SIK3: variants seen among roughly 807,000 people sequenced by gnomAD.
The protein encoded by SIK3 is SIK family kinase 3.
Under a neutral mutation model 144.2 loss-of-function variants are expected in SIK3, and 28 were observed. The ratio of observed to expected loss-of-function variants is 0.19; its 90% CI spans 0.14 to 0.27. The LOEUF (loss-of-function observed/expected upper bound fraction) is 0.27, where lower values mean the gene tolerates loss of function less well. SIK3 is among the 10% of genes least tolerant of loss of function. SIK3 has a pLI of 1.00. For synonymous variants in SIK3, 686 were observed against 676.3 expected, an observed-to-expected ratio of 1.01 and a Z score of -0.22; for missense variants, 1,319 against 1,776.0, an observed-to-expected ratio of 0.74 and a Z score of 4.62.
chr11:117,024,567 G>T (rs1467696583), intron 1 of SIK3, among the ~76,000 whole-genome samples: 1 of 152,090 alleles, frequency 6.6e-6, no homozygotes, highest in Non-Finnish European at 1.5e-5. Context: ...CAAAGTTAAG[G>T]TTGCAATATT....
intron 1 of SIK3, among the ~76,000 whole-genome samples, chr11:117,001,659 G>T (rs1053732932): frequency 6.6e-6 from 1 of 152,128 alleles, no homozygotes; most frequent in Non-Finnish European, 1.5e-5. Context: ...TCCAGCCCGG[G>T]CAACAGAGCA....
chr11:116,904,718 T>G (rs1945931323), intron 4 of SIK3: 1 of 152,326 alleles, frequency 6.6e-6, no homozygotes, highest in Admixed American at 6.5e-5. Flanking sequence ...AATGTTATTC[T>G]TTTTTCTTTT....
intron 1 of SIK3, among the ~76,000 whole-genome samples, chr11:117,049,143 GTT>G (rs1386529913): frequency 2.6e-5 from 4 of 151,946 alleles, no homozygotes; most frequent in South Asian, 4.1e-4. Flanking sequence ...ATTTCTCTCA[GTT>G]TTTTTGTCTA....
At chr11:117,013,708 T>C (rs1477939581) in intron 1 of SIK3, among the ~76,000 whole-genome samples, 1 of 151,108 alleles carries the variant, frequency 6.6e-6, no homozygotes, top group African/African-American at 2.4e-5. Flanking sequence ...AAAAAAAAAA[T>C]GCTTCCAGTG....
intron 4 of SIK3, among the ~76,000 whole-genome samples, chr11:116,917,308 T>C (rs1946697004): frequency 6.6e-6 from 1 of 152,210 alleles, no homozygotes; most frequent in African/African-American, 2.4e-5. Flanking sequence ...TGTAAGTTTC[T>C]ATAACTTTTC....
chr11:116,922,096 T>G (rs1398828801), intron 4 of SIK3, among the ~76,000 whole-genome samples: 1 of 152,202 alleles, frequency 6.6e-6, no homozygotes, highest in Non-Finnish European at 1.5e-5. Context: ...TAACTTATAC[T>G]ATAATTATAA....
intron 1 of SIK3, among the ~76,000 whole-genome samples, chr11:117,080,238 C>T (rs1185040426): frequency 6.6e-6 from 1 of 152,058 alleles, no homozygotes; most frequent in African/African-American, 2.4e-5. Flanking sequence ...AGGCTATTTG[C>T]CAGGGTTAAA....
chr11:116,914,706 T>C (rs879812648), intron 4 of SIK3, among the ~76,000 whole-genome samples: 2 of 152,140 alleles, frequency 1.3e-5, no homozygotes, highest in Non-Finnish European at 2.9e-5. Flanking sequence ...TCTAGAGAAA[T>C]GGGGCTTTCC....
In SIK3 at chr11:116,858,179, G is replaced by A; in HGVS notation, c.3286C>T (p.Gln1096Ter). 1 of 1,614,146 alleles carries A rather than the reference G, an allele frequency of 6.2e-7. No homozygotes were observed. Among genetic ancestry groups the A allele is most frequent in the Non-Finnish European group, 8.5e-7 (1 of 1,180,028 alleles). The part of the protein sequence containing the change: ...SMTERQALSY[Q>*]NADSYHHHTS... ...TGATGGTGATAAGAGTCAGCATTTT[G>A]ATAAGATAAAGCCTGGCGCTCTGTC... The change falls in exon 21 of 25, where the codon CAA (glutamine) becomes TAA (stop). Residue 1096 changes from glutamine to a stop codon, truncating the protein, a stop_gained. Coordinates refer to ENST00000445177, the MANE Select transcript of SIK3 (RefSeq NM_001366686.3). LOFTEE classifies it high-confidence loss of function. The surrounding 1 kb of genome is among the most constrained non-coding windows in gnomAD (Gnocchi z 5.4).
chr11:117,086,385 A>C (rs1453693643), intron 1 of SIK3, among the ~76,000 whole-genome samples: 2 of 152,218 alleles, frequency 1.3e-5, no homozygotes, highest in Non-Finnish European at 2.9e-5. Context: ...TTTACCAAAA[A>C]ATAGTTATTT....
intron 1 of SIK3, among the ~76,000 whole-genome samples, chr11:117,009,413 C>A (rs566953977): frequency 6.6e-6 from 1 of 151,706 alleles, no homozygotes; most frequent in Admixed American, 6.6e-5. Flanking sequence ...TAAAGTGAGG[C>A]ACTGGGAATG....
intron 4 of SIK3, among the ~76,000 whole-genome samples, chr11:116,921,371 T>C (rs1321835102): frequency 6.6e-6 from 1 of 152,238 alleles, no homozygotes; most frequent in East Asian, 1.9e-4. Flanking sequence ...GCTGCCCATA[T>C]AGCCTCAGTT....
chr11:116,999,499 C>T (rs1282099647), intron 1 of SIK3, among the ~76,000 whole-genome samples: 1 of 152,210 alleles, frequency 6.6e-6, no homozygotes, highest in Non-Finnish European at 1.5e-5. Context: ...CACCTGTTTG[C>T]ATCAGTTTGA....
At chr11:116,860,150 C>T (rs1943237152) in intron 19 of SIK3, among the ~76,000 whole-genome samples, 1 of 151,332 alleles carries the variant, frequency 6.6e-6, no homozygotes. Flanking sequence ...GAGGCTGAGG[C>T]AGGAGAATCA....
In SIK3 at chr11:116,998,798, G is replaced by T. The variant is rs144099805; in HGVS notation, c.274-41734C>A. ...GAGCACTGAAATTTTTAGAGCCACA[G>T]AATCATAAATCTATAGGAGTACAGA... On this transcript the variant is annotated intron_variant, in intron 1 of 24. Transcript: ENST00000445177. 2.9e-3 allele frequency among the ~76,000 whole-genome samples: 440 copies of T among 152,212 alleles called. 2 individuals are homozygous for T. Among genetic ancestry groups the T allele is most frequent in the African/African-American group, 0.01 (422 of 41,518 alleles).
At chr11:116,863,996 G>A in intron 15 of SIK3, 178 bp from the exon 16 acceptor site, 1 of 567,788 alleles carries the variant, frequency 1.8e-6, no homozygotes, top group Non-Finnish European at 3.0e-6. Flanking sequence ...CTTCCCTTTA[G>A]AGGGCTCCAG....
chr11:117,063,403 T>C (rs990990165), intron 1 of SIK3, among the ~76,000 whole-genome samples: 2 of 152,160 alleles, frequency 1.3e-5, no homozygotes, highest in African/African-American at 4.8e-5. Flanking sequence ...AACCACTAAG[T>C]ACGGCAGTCT....
At chr11:117,070,341 C>T (rs1954207069) in intron 1 of SIK3, among the ~76,000 whole-genome samples, 1 of 152,158 alleles carries the variant, frequency 6.6e-6, no homozygotes, top group Non-Finnish European at 1.5e-5. Flanking sequence ...ATCCCAGCTA[C>T]TCAGGAAGCT....
At chr11:116,870,088 A>C in intron 14 of SIK3, 1 of 1,488,286 alleles carries the variant, frequency 6.7e-7, no homozygotes, top group South Asian at 1.2e-5. Context: ...GGGAGGAAAG[A>C]AAAAGTTCTT....
Sources: allele counts gnomAD v4.1 joint callset (sites outside exome capture counted in the v4.1 genomes callset), GRCh38; gene constraint gnomAD v4.1.1; non-coding constraint Gnocchi (gnomAD v3.1); transcripts MANE v1.5; gene names NCBI Gene and HGNC (gene_info 2026-07-23, HGNC 2026-07-21).